SLC8A1: variants seen among roughly 807,000 people sequenced by gnomAD.
SLC8A1 encodes the protein solute carrier family 8 member A1.
SLC8A1 carries 18 observed loss-of-function variants against 68.3 expected under a neutral mutation model. The ratio of observed to expected loss-of-function variants is 0.26; its 90% CI spans 0.18 to 0.39. The LOEUF (loss-of-function observed/expected upper bound fraction) is 0.39. SLC8A1 is among the 10% of genes least tolerant of loss of function. The pLI, the probability that SLC8A1 is intolerant of heterozygous loss-of-function variation, is 1.00. For synonymous variants in SLC8A1, 475 were observed against 415.5 expected (o/e 1.14, Z -1.74); for missense variants, 985 against 1,156.7 (o/e 0.85, Z 2.15).
At chr2:40,431,282 T>G (rs1698233976) in intron 1 of SLC8A1, among the ~76,000 whole-genome samples, 1 of 152,130 alleles carries the variant, frequency 6.6e-6, no homozygotes, top group African/African-American at 2.4e-5. Context: ...ATGGTCATTC[T>G]AAAATACATA....
At chr2:40,357,518 C>A (rs374431842) in intron 2 of SLC8A1, among the ~76,000 whole-genome samples, 1,226 of 80,668 alleles carry the variant, frequency 0.015, 20 homozygotes, top group African/African-American at 0.042. Context: ...AAAAAAAAAA[C>A]ACAAGATGTA....
chr2:40,147,963 C>G (rs943197903), intron 6 of SLC8A1, among the ~76,000 whole-genome samples: 2 of 152,150 alleles, frequency 1.3e-5, no homozygotes, highest in Non-Finnish European at 2.9e-5. Context: ...GAGGCTCACA[C>G]CATTTAAATG....
At chr2:40,364,362 TTGTG>T (rs1035064911) in intron 2 of SLC8A1, among the ~76,000 whole-genome samples, 1 of 151,382 alleles carries the variant, frequency 6.6e-6, no homozygotes, top group Admixed American at 6.6e-5. Flanking sequence ...GTGTGTGTGT[TTGTG>T]TGTGTGTGTA....
At chr2:40,443,054 T>C (rs916613267) in intron 1 of SLC8A1, among the ~76,000 whole-genome samples, 25 of 151,596 alleles carry the variant, frequency 1.6e-4, no homozygotes, top group African/African-American at 6.1e-4. Context: ...AGTTGAACAA[T>C]GAGAACACAT....
intron 1 of SLC8A1, among the ~76,000 whole-genome samples, chr2:40,481,307 A>G (rs1258222536): frequency 6.6e-6 from 1 of 152,218 alleles, no homozygotes; most frequent in Non-Finnish European, 1.5e-5. Context: ...ACACAAATTA[A>G]TGCCATATTT....
intron 2 of SLC8A1, among the ~76,000 whole-genome samples, chr2:40,336,486 G>C (rs1278872926): frequency 6.6e-6 from 1 of 152,140 alleles, no homozygotes; most frequent in Non-Finnish European, 1.5e-5. Context: ...CTAGTACAGA[G>C]GGCTCCTCAA....
Position 40,368,281 on chromosome 2 carries a change from A to G in SLC8A1, c.1808+60192T>C, listed in dbSNP as rs1676901871. ...TAGGCCATAGGCTCCCTTTTTATTT[A>G]CAATAATATCATAAAAGATTTTCCC... On this transcript the variant is annotated intron_variant, in intron 2 of 7. Transcript: ENST00000406785. 2.6e-5 allele frequency among the ~76,000 whole-genome samples: 4 copies of G among 152,046 alleles called. No homozygotes were observed. In the South Asian group the frequency reaches 8.3e-4, roughly 31 times the overall value.
At chr2:40,392,945 G>C (rs1039503338) in intron 2 of SLC8A1, among the ~76,000 whole-genome samples, 2 of 152,052 alleles carry the variant, frequency 1.3e-5, no homozygotes, top group African/African-American at 4.8e-5. Context: ...AAAGATTATA[G>C]TGTACTAGTA....
At position 40,118,139 on chromosome 2, in the gene SLC8A1, A is replaced by G. The variant is rs574400928; in HGVS notation, c.2438-2510T>C. On this transcript the variant is annotated intron_variant, in intron 7 of 7. Coordinates refer to ENST00000406785, the Ensembl canonical transcript of SLC8A1. ...CCCTCTCACAAGCATTATGGGCTAG[A>G]TGTCATTACTCCTCTTTCATGATAT... 2.6e-5 allele frequency among the ~76,000 whole-genome samples: 4 copies of G among 152,326 alleles called. 1 individual carries two copies. In the South Asian group the frequency reaches 8.3e-4, roughly 32 times the overall value.
At chr2:40,461,583 A>T (rs1344242574) in intron 1 of SLC8A1, among the ~76,000 whole-genome samples, 2 of 152,208 alleles carry the variant, frequency 1.3e-5, no homozygotes, top group Non-Finnish European at 2.9e-5. Context: ...GTGAAAGCTA[A>T]GTCTGACAAA....
At position 40,348,044 on chromosome 2, in the gene SLC8A1, G is replaced by C. The variant is rs1050207314; in HGVS notation, c.1808+80429C>G. 1.8e-4 allele frequency among the ~76,000 whole-genome samples: 27 copies of C among 152,284 alleles called. 1 individual carries two copies. Among genetic ancestry groups the C allele is most frequent in the East Asian group, 5.8e-4 (3 of 5,178 alleles). On this transcript the variant is annotated intron_variant, in intron 2 of 7. Coordinates refer to ENST00000406785, the Ensembl canonical transcript of SLC8A1. ...GTGCTTCTTTATTTACTGAAGGAAGGAGGTCAGTAATTTGGGAGTCATAGA... is the reference window on the plus strand; with the variant it reads ...GTGCTTCTTTATTTACTGAAGGAAGCAGGTCAGTAATTTGGGAGTCATAGA...
At chr2:40,377,999 TG>T (rs1271558376) in intron 2 of SLC8A1, among the ~76,000 whole-genome samples, 2 of 152,156 alleles carry the variant, frequency 1.3e-5, no homozygotes, top group African/African-American at 4.8e-5. Flanking sequence ...AAAATTATCC[TG>T]TACTCTTTGT....
intron 1 of SLC8A1, among the ~76,000 whole-genome samples, chr2:40,495,775 C>G (rs1705655760): frequency 6.6e-6 from 1 of 151,986 alleles, no homozygotes; most frequent in Non-Finnish European, 1.5e-5. Flanking sequence ...AACTTGTAGC[C>G]AGGACTCAGG....
chr2:40,376,109 T>C (rs1679781471), intron 2 of SLC8A1, among the ~76,000 whole-genome samples: 1 of 152,124 alleles, frequency 6.6e-6, no homozygotes, highest in African/African-American at 2.4e-5. Flanking sequence ...AAAATTTTCT[T>C]CTAGAATATA....
intron 1 of SLC8A1, 33 bp downstream of exon 1, chr2:40,451,871 A>T (rs1702582354): frequency 6.6e-6 from 1 of 152,200 alleles, no homozygotes; most frequent in Admixed American, 6.6e-5. Flanking sequence ...TCTCTGACTA[A>T]ATGCCTTCTG....
At chr2:40,139,721 C>T in intron 6 of SLC8A1, 45 bp from the exon 10 acceptor site, 1 of 1,578,758 alleles carries the variant, frequency 6.3e-7, no homozygotes, top group Non-Finnish European at 8.6e-7. Context: ...ACCTGTGTTG[C>T]CGGGTCTTCC....
chr2:40,218,271 C>G (rs977994892), intron 2 of SLC8A1, among the ~76,000 whole-genome samples: 3 of 151,928 alleles, frequency 2.0e-5, no homozygotes, highest in African/African-American at 7.3e-5. Flanking sequence ...GCTAGCTGTG[C>G]TTTCCTTTGA....
At chr2:40,133,907 G>A (rs191756502) in intron 7 of SLC8A1, among the ~76,000 whole-genome samples, 3 of 152,238 alleles carry the variant, frequency 2.0e-5, no homozygotes, top group South Asian at 2.1e-4. Flanking sequence ...AATGTCCAAT[G>A]ACTAGGTGGC....
Position 40,443,256 on chromosome 2 carries a change from G to C in SLC8A1, c.-25+8648C>G, listed in dbSNP as rs985008109. Among the ~76,000 whole-genome samples the C allele has an allele frequency of 7.2e-5, 11 of 152,046 alleles. 1 individual carries two copies. Among genetic ancestry groups the C allele is most frequent in the Admixed American group, 7.2e-4 (11 of 15,252 alleles). ...CTGAACACTCTGCACATATATCCCA[G>C]AACTTAAAGTAAAAAAAGAAATCCA... On this transcript the variant is annotated intron_variant, in intron 1 of 7. Transcript: ENST00000406785.
Sources: allele counts gnomAD v4.1 joint callset (sites outside exome capture counted in the v4.1 genomes callset), GRCh38; gene constraint gnomAD v4.1.1; transcripts MANE v1.5; gene names NCBI Gene and HGNC (gene_info 2026-07-23, HGNC 2026-07-21).